PDE1C: variants seen among roughly 807,000 people sequenced by gnomAD.
The protein encoded by PDE1C is dual specificity calcium/calmodulin-dependent 3',5'-cyclic nucleotide phosphodiesterase 1C.
Under a neutral mutation model 93.1 loss-of-function variants are expected in PDE1C, and 62 were observed. The ratio of observed to expected loss-of-function variants is 0.67; its 90% CI spans 0.54 to 0.82. The LOEUF (loss-of-function observed/expected upper bound fraction) is 0.82. PDE1C is among the 40% of genes least tolerant of loss of function. The pLI is 0.00. For missense variants in PDE1C, 742 were observed against 884.6 expected, an observed-to-expected ratio of 0.84 and a Z score of 2.04; for synonymous variants, 325 against 310.1, an observed-to-expected ratio of 1.05 and a Z score of -0.50.
chr7:31,700,753 C>T, the PDE1C span, among the ~76,000 whole-genome samples: 1 of 152,118 alleles, frequency 6.6e-6, no homozygotes, highest in South Asian at 2.1e-4. Context: ...TGCTCATTTA[C>T]TATTCTGAAA....
At chr7:32,408,271 G>C (rs970439551) in intron 1 of PDE1C, among the ~76,000 whole-genome samples, 6 of 152,166 alleles carry the variant, frequency 3.9e-5, no homozygotes, top group Non-Finnish European at 8.8e-5. Context: ...TCACAATCTT[G>C]AGTCAGTGGT....
chr7:31,626,605 A>G, the PDE1C span, among the ~76,000 whole-genome samples: 1 of 152,150 alleles, frequency 6.6e-6, no homozygotes. Context: ...AATAGTTTTT[A>G]GCATTTGAAT....
chr7:31,726,229 CA>C, the PDE1C span, among the ~76,000 whole-genome samples: 1 of 145,330 alleles, frequency 6.9e-6, no homozygotes, highest in Non-Finnish European at 1.5e-5. Context: ...CCAACATGAT[CA>C]TTTTTTTTTT....
the PDE1C span, among the ~76,000 whole-genome samples, chr7:31,717,832 C>A: frequency 5.4e-4 from 82 of 151,798 alleles, no homozygotes; most frequent in African/African-American, 1.9e-3. Flanking sequence ...CCTCTTAATG[C>A]GGAAGGAGAG....
At chr7:31,617,266 A>AAATGATAGAT in the PDE1C span, among the ~76,000 whole-genome samples, 6 of 152,194 alleles carry the variant, frequency 3.9e-5, no homozygotes, top group South Asian at 4.1e-4. Flanking sequence ...CAACAATTTA[A>AAATGATAGAT]CTTTGCAAAG....
chr7:32,015,156 C>A (rs1014298835), intron 2 of PDE1C, among the ~76,000 whole-genome samples: 1 of 152,160 alleles, frequency 6.6e-6, no homozygotes, highest in Non-Finnish European at 1.5e-5. Context: ...TTTCCTGAAG[C>A]CTCTCCAGTC....
At chr7:32,046,602 T>C (rs2128674357) in intron 2 of PDE1C, among the ~76,000 whole-genome samples, 1 of 152,296 alleles carries the variant, frequency 6.6e-6, no homozygotes, top group African/African-American at 2.4e-5. Context: ...CAATATACTA[T>C]AGTAAGTATT....
the PDE1C span, among the ~76,000 whole-genome samples, chr7:31,683,925 C>T: frequency 6.6e-6 from 1 of 152,190 alleles, no homozygotes; most frequent in Non-Finnish European, 1.5e-5. Flanking sequence ...AATGAAGGCA[C>T]AAGTGAATTC....
At chr7:32,139,128 AG>A (rs1190796975) in intron 3 of PDE1C, among the ~76,000 whole-genome samples, 2 of 151,972 alleles carry the variant, frequency 1.3e-5, no homozygotes, top group Non-Finnish European at 2.9e-5. Flanking sequence ...ATTTGAAAAG[AG>A]GGAGTAATCA....
chr7:32,316,729 C>T (rs1783180727), intron 1 of PDE1C, among the ~76,000 whole-genome samples: 1 of 152,164 alleles, frequency 6.6e-6, no homozygotes, highest in Non-Finnish European at 1.5e-5. Flanking sequence ...TCTGTATTAT[C>T]ATGATAAAAG....
intron 1 of PDE1C, among the ~76,000 whole-genome samples, chr7:32,268,546 T>C (rs1295956761): frequency 2.0e-5 from 3 of 152,184 alleles, no homozygotes; most frequent in African/African-American, 7.2e-5. Context: ...GCACAATAAA[T>C]ATTTGTTAAC....
At chr7:31,834,362 T>C (rs1410994334) in intron 11 of PDE1C, among the ~76,000 whole-genome samples, 2 of 152,106 alleles carry the variant, frequency 1.3e-5, no homozygotes, top group Non-Finnish European at 2.9e-5. Flanking sequence ...GAATGGTAGG[T>C]CCACTGACAA....
intron 2 of PDE1C, among the ~76,000 whole-genome samples, chr7:31,913,287 T>C (rs993125157): frequency 3.3e-5 from 5 of 152,186 alleles, no homozygotes; most frequent in Non-Finnish European, 5.9e-5. Context: ...ACATGAATTT[T>C]CAATGAAAAT....
At chr7:32,279,135 G>A (rs192287664) in intron 1 of PDE1C, among the ~76,000 whole-genome samples, 6 of 152,236 alleles carry the variant, frequency 3.9e-5, no homozygotes, top group Admixed American at 1.3e-4. Context: ...CTAACATAGC[G>A]TAGCAAGTAG....
intron 3 of PDE1C, among the ~76,000 whole-genome samples, chr7:32,109,952 C>G (rs1274168457): frequency 1.3e-5 from 2 of 152,062 alleles, no homozygotes; most frequent in Admixed American, 1.3e-4. Flanking sequence ...GTGAAATGTA[C>G]TATTTCTGCA....
At position 32,420,374 on chromosome 7, in the gene PDE1C, T is replaced by TATAC. The variant is rs1293006901; in HGVS notation, c.310+7447_310+7448insGTAT. Reference sequence around the variant, plus strand: ...ATGTGTATATATATATGTGTATATATATGTGTATATATATATATACACACA... The same window carrying TATAC: ...ATGTGTATATATATATGTGTATATATATACATGTGTATATATATATATACACACA... On this transcript the variant is annotated intron_variant, in intron 1 of 1. Transcript: ENST00000672256. Among the ~76,000 whole-genome samples the TATAC allele has an allele frequency of 2.3e-3, 105 of 44,714 alleles. 40 individuals carry two copies. Among genetic ancestry groups the TATAC allele is most frequent in the Non-Finnish European group, 3.5e-3 (82 of 23,212 alleles). The allele number at this position is 44,714 out of a possible 152,430, so 29.3% of individuals were successfully genotyped here.
At chr7:31,690,968 G>T in the PDE1C span, among the ~76,000 whole-genome samples, 1 of 152,142 alleles carries the variant, frequency 6.6e-6, no homozygotes. Context: ...TTAAATAGGT[G>T]CATAAGACCA....
chr7:31,741,083 G>A, the PDE1C span, among the ~76,000 whole-genome samples: 1 of 151,096 alleles, frequency 6.6e-6, no homozygotes, highest in Non-Finnish European at 1.5e-5. Context: ...AAATAGAATT[G>A]CATATTGTAC....
At chr7:32,384,756 G>A (rs2128091162) in intron 1 of PDE1C, among the ~76,000 whole-genome samples, 1 of 152,278 alleles carries the variant, frequency 6.6e-6, no homozygotes, top group South Asian at 2.1e-4. Flanking sequence ...ATTTATTTTA[G>A]AATTATGCTT....
Sources: allele counts gnomAD v4.1 joint callset (sites outside exome capture counted in the v4.1 genomes callset), GRCh38; gene constraint gnomAD v4.1.1; transcripts MANE v1.5; gene names NCBI Gene and HGNC (gene_info 2026-07-23, HGNC 2026-07-21).